The following AGAP1 variants were observed in gnomAD, a reference collection of about 807,000 sequenced individuals.
AGAP1 encodes ArfGAP with GTPase domain, ankyrin repeat and PH domain 1, also known as arf-GAP with GTPase, ANK repeat and PH domain-containing protein 1.
A neutral mutation model predicts 105.3 loss-of-function variants in AGAP1; 29 were observed. The ratio of observed to expected loss-of-function variants is 0.28; its 90% CI spans 0.21 to 0.38. AGAP1 has a LOEUF of 0.38. Ranked by LOEUF, AGAP1 falls within the 10% of genes least tolerant of loss-of-function variation. AGAP1 has a pLI of 1.00. For missense variants in AGAP1, 998 were observed against 1,165.1 expected, an observed-to-expected ratio of 0.86 and a Z score of 2.09; for synonymous variants, 509 against 485.9, an observed-to-expected ratio of 1.05 and a Z score of -0.63.
At chr2:235,925,803 C>G (rs755870880) in intron 11 of AGAP1, among the ~76,000 whole-genome samples, 1 of 152,204 alleles carries the variant, frequency 6.6e-6, no homozygotes, top group African/African-American at 2.4e-5. Context: ...GTGTTTAGAA[C>G]AGTGTTTGGT....
chr2:235,697,825 A>G (rs546171503), intron 1 of AGAP1, among the ~76,000 whole-genome samples: 1 of 152,296 alleles, frequency 6.6e-6, no homozygotes, highest in African/African-American at 2.4e-5. Flanking sequence ...ACTGACAGAA[A>G]CTCAGCATAT....
In AGAP1 at chr2:235,622,387, C is replaced by T. The variant is rs995036040; in HGVS notation, c.164-86792C>T. On this transcript the variant is annotated intron_variant, in intron 1 of 17. Coordinates refer to ENST00000304032, the MANE Select transcript of AGAP1 (RefSeq NM_001037131.3). The surrounding 1 kb of genome is among the most constrained non-coding windows in gnomAD (Gnocchi z 5.0). ...CTTCAGAGCTCCCTGAGCTTCTTCA[C>T]GGCCACGCTGCTCTCCTGCATGTCC... Among the ~76,000 whole-genome samples the T allele has an allele frequency of 6.6e-6, 1 of 152,186 alleles. No individual in the cohort carries two copies. The highest frequency in any genetic ancestry group is 2.4e-5 in the African/African-American group (1 of 41,450).
rs1442524907 is a variant in AGAP1 at position 235,905,441 on chromosome 2, A to T, written c.1156-3297A>T. ...AGTAAACTAAAGATGCTTGAGAAAA[A>T]CCTTTTTTAGGAAGTGACCAACACT... On this transcript the variant is annotated intron_variant, in intron 10 of 17. Coordinates refer to ENST00000304032, the MANE Select transcript of AGAP1 (RefSeq NM_001037131.3). This position sits in a 1 kb window ranked among gnomAD's most constrained non-coding sequence, Gnocchi z 4.2. 6.6e-6 allele frequency among the ~76,000 whole-genome samples: 1 copy of T among 152,130 alleles called. No individual in the cohort carries two copies. The highest frequency in any genetic ancestry group is 2.4e-5 in the African/African-American group (1 of 41,434).
At chr2:235,928,631 G>A (rs2052568778) in intron 11 of AGAP1, among the ~76,000 whole-genome samples, 1 of 152,220 alleles carries the variant, frequency 6.6e-6, no homozygotes, top group African/African-American at 2.4e-5. Context: ...GGATGTAGCA[G>A]GAACATGGTG....
rs1013630991 is a variant in AGAP1, at chr2:236,128,243, T to A, written c.*4121T>A. On this transcript the variant is annotated 3_prime_UTR_variant, in exon 18 of 18. Transcript: ENST00000304032. The surrounding 1 kb of genome is among the most constrained non-coding windows in gnomAD (Gnocchi z 5.9). ...TTCTGCTTTGTAGTCTGAGGTTGAT[T>A]TTCTAGAGGCGAGGAAGGGGCTGAG... is the stretch of plus-strand genomic sequence containing the variant. 3.9e-5 allele frequency: 6 copies of A among 152,456 alleles called. No homozygotes were observed. The highest frequency in any genetic ancestry group is 1.4e-4 in the African/African-American group (6 of 41,554). The allele number at this position is 152,456 out of a possible 1,614,324, so 9.4% of individuals were successfully genotyped here.
Position 235,979,688 on chromosome 2 carries a change from A to G in AGAP1, c.1645+11065A>G, listed in dbSNP as rs556755379. Among the ~76,000 whole-genome samples, 13 of 152,232 alleles carry G rather than the reference A, an allele frequency of 8.5e-5. No homozygotes were observed. The highest frequency in any genetic ancestry group is 3.1e-4 in the African/African-American group (13 of 41,530). On this transcript the variant is annotated intron_variant, in intron 13 of 17. Transcript: ENST00000304032. The surrounding 1 kb of genome is among the most constrained non-coding windows in gnomAD (Gnocchi z 4.5). The stretch of plus-strand genomic sequence containing the variant: ...ACGTGGGACATGGAGAAAATTGGCC[A>G]TTTGTCTGTGGGGTAATGGGCTTTG...
intron 1 of AGAP1, among the ~76,000 whole-genome samples, chr2:235,675,959 ATTATT>A (rs1948713987): frequency 6.6e-6 from 1 of 152,226 alleles, no homozygotes; most frequent in Non-Finnish European, 1.5e-5. Context: ...ATTGTAGCAA[ATTATT>A]GGGTTATACA....
intron 1 of AGAP1, among the ~76,000 whole-genome samples, chr2:235,674,382 G>GT (rs965437476): frequency 1.3e-5 from 2 of 152,006 alleles, no homozygotes; most frequent in Admixed American, 1.3e-4. Context: ...CATTGTAGGG[G>GT]GTCCCCTTGC....
chr2:235,894,914 C>T (rs2050730341), intron 10 of AGAP1, among the ~76,000 whole-genome samples: 1 of 152,182 alleles, frequency 6.6e-6, no homozygotes, highest in Admixed American at 6.5e-5. Context: ...AGTCCTGGGA[C>T]TCAGGCACAG....
rs745442829 is a variant in AGAP1, at chr2:235,720,116, C to G, written c.310+2472C>G. Among the ~76,000 whole-genome samples the G allele has an allele frequency of 1.3e-5, 2 of 152,130 alleles. No individual in the cohort carries two copies. The highest frequency in any genetic ancestry group is 2.9e-5 in the Non-Finnish European group (2 of 68,010). On this transcript the variant is annotated intron_variant, in intron 3 of 17. Coordinates refer to ENST00000304032, the MANE Select transcript of AGAP1 (RefSeq NM_001037131.3). The surrounding 1 kb of genome is among the most constrained non-coding windows in gnomAD (Gnocchi z 5.0). ...GTAATGTCACTTGTAATGAAGGGAG[C>G]CATACTTGTTGTTTGGGAAAGAAAA...
At chr2:235,840,487 G>A (rs554442670) in intron 9 of AGAP1, among the ~76,000 whole-genome samples, 71 of 152,308 alleles carry the variant, frequency 4.7e-4, no homozygotes, top group African/African-American at 1.6e-3. Flanking sequence ...ATGCACTGTG[G>A]TGGGTCAGAT....
In AGAP1 at chr2:236,092,231, A is replaced by T. The variant is rs2059080401; in HGVS notation, c.2115-27961A>T. Among the ~76,000 whole-genome samples the T allele has an allele frequency of 6.6e-6, 1 of 152,218 alleles. No individual in the cohort carries two copies. Among genetic ancestry groups the T allele is most frequent in the Non-Finnish European group, 1.5e-5 (1 of 68,044 alleles). On this transcript the variant is annotated intron_variant, in intron 16 of 17. Transcript: ENST00000304032. The surrounding 1 kb of genome is among the most constrained non-coding windows in gnomAD (Gnocchi z 4.7). ...TTGAACCAATTCCATGGACACATAA[A>T]TACAAATGACCACAAGGAAAATCGG...
At chr2:236,077,267 C>G (rs1388080264) in intron 16 of AGAP1, among the ~76,000 whole-genome samples, 1 of 150,442 alleles carries the variant, frequency 6.6e-6, no homozygotes, top group Non-Finnish European at 1.5e-5. Flanking sequence ...AATTTAAGAG[C>G]CTTTTTTGGG....
intron 9 of AGAP1, chr2:235,853,261 C>T (rs941339832): frequency 1.0e-6 from 1 of 978,750 alleles, no homozygotes; most frequent in South Asian, 4.8e-5. Flanking sequence ...GGTAAAATGG[C>T]TCCCCCTACT....
At chr2:235,851,081 C>T (rs2048424995) in intron 9 of AGAP1, among the ~76,000 whole-genome samples, 1 of 152,236 alleles carries the variant, frequency 6.6e-6, no homozygotes, top group Admixed American at 6.5e-5. Context: ...GGGCGCTGAG[C>T]TGCAAAGGAT....
intron 1 of AGAP1, among the ~76,000 whole-genome samples, chr2:235,516,573 C>A (rs942046058): frequency 2.0e-5 from 3 of 152,156 alleles, no homozygotes; most frequent in Admixed American, 2.0e-4. Context: ...CACCTGCAGC[C>A]TGAGCGTAGT....
intron 6 of AGAP1, among the ~76,000 whole-genome samples, chr2:235,784,923 A>G (rs1309756489): frequency 6.6e-6 from 1 of 152,198 alleles, no homozygotes; most frequent in Non-Finnish European, 1.5e-5. Flanking sequence ...TAATGCACAA[A>G]GCCCTGTTGA....
rs1948048412 is a variant in AGAP1, at chr2:235,664,033, C to T, written c.164-45146C>T. On this transcript the variant is annotated intron_variant, in intron 1 of 17. Coordinates refer to ENST00000304032, the MANE Select transcript of AGAP1 (RefSeq NM_001037131.3). This position sits in a 1 kb window ranked among gnomAD's most constrained non-coding sequence, Gnocchi z 5.7. ...TGACCGCATCCCTCCTGTCCCTGAG[C>T]TCGAAGGCTGAATGGTCGATGGGAG... 1.3e-5 allele frequency among the ~76,000 whole-genome samples: 2 copies of T among 152,156 alleles called. No individual in the cohort carries two copies. Among genetic ancestry groups the T allele is most frequent in the African/African-American group, 4.8e-5 (2 of 41,440 alleles).
At chr2:235,646,400 A>G (rs1347897516) in intron 1 of AGAP1, among the ~76,000 whole-genome samples, 1 of 152,210 alleles carries the variant, frequency 6.6e-6, no homozygotes, top group Non-Finnish European at 1.5e-5. Context: ...AAAGAACTAG[A>G]AATTCTTGCC....
Sources: allele counts gnomAD v4.1 joint callset (sites outside exome capture counted in the v4.1 genomes callset), GRCh38; gene constraint gnomAD v4.1.1; non-coding constraint Gnocchi (gnomAD v3.1); transcripts MANE v1.5; gene names NCBI Gene and HGNC (gene_info 2026-07-23, HGNC 2026-07-21).